ASH1L: variants seen among roughly 807,000 people sequenced by gnomAD.
ASH1L encodes the protein histone-lysine N-methyltransferase ASH1L.
ASH1L carries 23 observed loss-of-function variants against 269.0 expected under a neutral mutation model. The ratio of observed to expected loss-of-function variants is 0.09; its 90% confidence interval spans 0.06 to 0.12. ASH1L has a LOEUF of 0.12. ASH1L is among the 10% of genes least tolerant of loss of function. The pLI, the probability that ASH1L is intolerant of heterozygous loss-of-function variation, is 1.00. For synonymous variants in ASH1L, 1,187 were observed against 1,253.5 expected (o/e 0.95, Z 1.12); for missense variants, 2,912 against 3,567.8 (o/e 0.82, Z 4.68).
At chr1:155,453,160 G>A (rs900468053) in intron 4 of ASH1L, among the ~76,000 whole-genome samples, 1 of 151,902 alleles carries the variant, frequency 6.6e-6, no homozygotes, top group Non-Finnish European at 1.5e-5. Context: ...TTCAAGATCA[G>A]CCTGGCTAAC....
intron 1 of ASH1L, 110 bp from the exon 2 acceptor site, chr1:155,521,728 T>A: frequency 4.3e-6 from 2 of 460,544 alleles, no homozygotes. Flanking sequence ...CAAAAAAAAA[T>A]CACAGTTAGA....
chr1:155,562,423 G>A lies in ASH1L; in HGVS notation c.-370C>T. ...GCAAAGCGAACCCAAAATGGCGGCG[G>A]GAGCGGCGGCGGCGGCGGCGGCAGC... On this transcript the variant is annotated 5_prime_UTR_variant, in exon 1 of 28. Transcript: ENST00000392403. 6.7e-7 allele frequency: 1 copy of A among 1,484,086 alleles called. No homozygotes were observed. Among genetic ancestry groups the A allele is most frequent in the South Asian group, 1.2e-5 (1 of 83,162 alleles). The allele number at this position is 1,484,086 out of a possible 1,614,324, so 91.9% of individuals were successfully genotyped here. A position where few individuals can be genotyped will look rare whatever the true frequency, so the allele number is the denominator to read the frequency against.
chr1:155,431,483 C>T (rs1005153444), intron 5 of ASH1L, among the ~76,000 whole-genome samples: 4 of 151,800 alleles, frequency 2.6e-5, no homozygotes, highest in Non-Finnish European at 5.9e-5. Flanking sequence ...AGAGATGGAC[C>T]AGGTGCGGTG....
chr1:155,442,979 A>C lies in ASH1L; in HGVS notation c.5087-3911T>G, dbSNP rs556496362. Among the ~76,000 whole-genome samples the C allele has an allele frequency of 8.5e-5, 13 of 152,276 alleles. 1 individual carries two copies. In the South Asian group the frequency reaches 2.7e-3, roughly 32 times the overall value. Reference sequence around the variant, plus strand: ...AGGTCCCCTATTAAGAATTATCCTAATACTTTCTCCTTTCCTAACACTAAT... The same window carrying C: ...AGGTCCCCTATTAAGAATTATCCTACTACTTTCTCCTTTCCTAACACTAAT... On this transcript the variant is annotated intron_variant, in intron 4 of 27. Transcript: ENST00000392403.
chr1:155,354,699 A>G, intron 15 of ASH1L, 69 bp from the exon 16 acceptor site: 1 of 1,452,984 alleles, frequency 6.9e-7, no homozygotes, highest in South Asian at 1.3e-5. Context: ...TGTCTACTCT[A>G]TGGAAGCCAT....
chr1:155,481,964 C>T lies in ASH1L; in HGVS notation c.906G>A (p.Lys302=). ...CAGTTCCCAGTTTTTTCACAGAGTC[C>T]TTATTGACCAATCCTACTGCTGCAT... is the stretch of plus-strand genomic sequence containing the variant. ...VFNAAVGLVN[K]DSVKKLGTGT... Residue 302 remains lysine, a synonymous_variant, in exon 3 of 28, where the codon AAG becomes AAA. Transcript: ENST00000392403. The T allele has an allele frequency of 6.2e-7, 1 of 1,614,132 alleles. No individual in the cohort carries two copies. Among genetic ancestry groups the T allele is most frequent in the Non-Finnish European group, 8.5e-7 (1 of 1,180,012 alleles).
intron 3 of ASH1L, among the ~76,000 whole-genome samples, chr1:155,465,289 C>CAAAAAAA (rs1171228344): frequency 1.9e-4 from 12 of 62,570 alleles, no homozygotes; most frequent in Non-Finnish European, 2.8e-4. Flanking sequence ...TACAAATTAG[C>CAAAAAAA]AAAAAAAAAA....
At chr1:155,482,958 G>C (rs1666060116) in intron 2 of ASH1L, among the ~76,000 whole-genome samples, 1 of 152,044 alleles carries the variant, frequency 6.6e-6, no homozygotes, top group South Asian at 2.1e-4. Context: ...TCTCAATTAT[G>C]GTCTTGAGTG....
intron 13 of ASH1L, among the ~76,000 whole-genome samples, chr1:155,358,975 C>T (rs562871801): frequency 3.9e-5 from 6 of 152,020 alleles, no homozygotes; most frequent in South Asian, 4.2e-4. Flanking sequence ...AAAAAATTAG[C>T]GACGCACAGT....
At position 155,371,642 on chromosome 1, in the gene ASH1L, C is replaced by A. The variant is rs186673058; in HGVS notation, c.6333-659G>T. Among the ~76,000 whole-genome samples, 401 of 151,310 alleles carry A rather than the reference C, an allele frequency of 2.7e-3. 1 individual carries two copies. The highest frequency in any genetic ancestry group is 9.4e-3 in the African/African-American group (389 of 41,246). ...TTCACTGTACTCTTATTTTGAAGCA[C>A]TCATGCCCATTTACTGATTTAAAAA... On this transcript the variant is annotated intron_variant, in intron 10 of 27. Coordinates refer to ENST00000392403, the MANE Select transcript of ASH1L (RefSeq NM_018489.3).
chr1:155,461,022 A>C (rs1446258508), intron 3 of ASH1L, among the ~76,000 whole-genome samples: 1 of 152,220 alleles, frequency 6.6e-6, no homozygotes, highest in Non-Finnish European at 1.5e-5. Context: ...ATGTTTGTCA[A>C]AAAACTAGTA....
rs547590656 is a variant in ASH1L, at chr1:155,470,391, G to A, written c.4984+7495C>T. On this transcript the variant is annotated intron_variant, in intron 3 of 27. Transcript: ENST00000392403. ...GGAGAATTGCTTGAGCCTGGGAGGC[G>A]GAGGTTGCAGTAAGCCAAGATTGTG... 2.4e-3 allele frequency among the ~76,000 whole-genome samples: 365 copies of A among 151,908 alleles called. 1 individual carries two copies. The highest frequency in any genetic ancestry group is 8.4e-3 in the African/African-American group (347 of 41,434).
chr1:155,408,586 C>T (rs890350553), intron 6 of ASH1L, among the ~76,000 whole-genome samples: 4 of 152,094 alleles, frequency 2.6e-5, no homozygotes, highest in Non-Finnish European at 4.4e-5. Context: ...CTACTCCGAA[C>T]AGCAGAAAGC....
At chr1:155,501,910 C>T (rs1468761339) in intron 2 of ASH1L, among the ~76,000 whole-genome samples, 1 of 152,010 alleles carries the variant, frequency 6.6e-6, no homozygotes, top group East Asian at 1.9e-4. Context: ...ATCCGCCTGC[C>T]TCAACCTCCC....
intron 1 of ASH1L, among the ~76,000 whole-genome samples, chr1:155,537,068 AAG>A (rs1481788322): frequency 6.6e-6 from 1 of 152,010 alleles, no homozygotes; most frequent in Non-Finnish European, 1.5e-5. Flanking sequence ...GGAAAAAAGA[AAG>A]AAATTCAACA....
chr1:155,371,868 A>G (rs1007769621), intron 10 of ASH1L, among the ~76,000 whole-genome samples: 4 of 151,382 alleles, frequency 2.6e-5, no homozygotes, highest in African/African-American at 9.7e-5. Flanking sequence ...TATTTTTTGT[A>G]TTTTCAGTAG....
intron 2 of ASH1L, among the ~76,000 whole-genome samples, chr1:155,496,762 C>T (rs911799169): frequency 1.3e-5 from 2 of 152,040 alleles, no homozygotes; most frequent in African/African-American, 2.4e-5. Context: ...CCTCAGCCTC[C>T]TGAGTAGCTG....
intron 2 of ASH1L, among the ~76,000 whole-genome samples, chr1:155,493,592 G>A (rs1341092134): frequency 6.6e-6 from 1 of 152,092 alleles, no homozygotes; most frequent in African/African-American, 2.4e-5. Flanking sequence ...TTCAGGGGGG[G>A]CATGGCGGTT....
Position 155,479,806 on chromosome 1 carries a change from C to T in ASH1L, c.3064G>A (p.Val1022Ile), listed in dbSNP as rs201251822. 9.9e-6 allele frequency: 16 copies of T among 1,614,080 alleles called. No individual in the cohort carries two copies. The highest frequency in any genetic ancestry group is 4.5e-5 in the East Asian group (2 of 44,898). ...GKVQSKLHNTVSSLAATFGSK... is the reference protein window; with the variant it reads ...GKVQSKLHNTISSLAATFGSK... ...CCAAATGTGGCAGCAAGACTTGATACCGTATTATGGAGTTTGGATTGCACT... is the reference window on the plus strand; with the variant it reads ...CCAAATGTGGCAGCAAGACTTGATATCGTATTATGGAGTTTGGATTGCACT... The change falls in exon 3 of 28, where the codon GTA (valine) becomes ATA (isoleucine). Residue 1022 changes from valine to isoleucine, a missense_variant. Val to Ile is a conservative substitution (Grantham distance 29). Around this residue, in one of 13 missense-constraint regions of ASH1L, gnomAD observed 715 missense variants for 721.0 expected, o/e 0.99. Transcript: ENST00000392403.
Sources: gnomAD v4.1 joint callset for allele counts (sites outside exome capture counted in the v4.1 genomes callset) on GRCh38, gnomAD v4.1.1 for gene constraint, gnomAD v4.1.1 regional missense constraint, MANE v1.5 for transcripts, NCBI Gene and HGNC (gene_info 2026-07-23, HGNC 2026-07-21) for gene names.